PLCZ1: variants seen among roughly 807,000 people sequenced by gnomAD.
The protein encoded by PLCZ1 is phospholipase C zeta 1, also known as 1-phosphatidylinositol 4,5-bisphosphate phosphodiesterase zeta-1.
A neutral mutation model predicts 76.8 loss-of-function variants in PLCZ1; 64 were observed. The ratio of observed to expected loss-of-function variants is 0.83; its 90% CI spans 0.68 to 1.03. The LOEUF is 1.03. Ranked by LOEUF, PLCZ1 falls within the 50% of genes least tolerant of loss-of-function variation. PLCZ1 has a pLI of 0.00. For missense variants in PLCZ1, 751 were observed against 713.7 expected, an observed-to-expected ratio of 1.05 and a Z score of -0.60; for synonymous variants, 248 against 230.8, an observed-to-expected ratio of 1.07 and a Z score of -0.68.
chr12:18,683,854 C>A (rs1952692509), intron 14 of PLCZ1, among the ~76,000 whole-genome samples: 1 of 151,944 alleles, frequency 6.6e-6, no homozygotes, highest in South Asian at 2.1e-4. Context: ...CATGACTACT[C>A]TTTACTGAAA....
chr12:18,656,326 C>A, the PLCZ1 span, among the ~76,000 whole-genome samples: 1 of 152,056 alleles, frequency 6.6e-6, no homozygotes, highest in African/African-American at 2.4e-5. Context: ...GCCTGTAATC[C>A]CAGCACTTTA....
the PLCZ1 span, among the ~76,000 whole-genome samples, chr12:18,651,599 A>G: frequency 6.6e-6 from 1 of 152,038 alleles, no homozygotes; most frequent in Non-Finnish European, 1.5e-5. Flanking sequence ...TCTAGTTGTG[A>G]CTCAGAAACA....
At chr12:18,654,621 G>A in the PLCZ1 span, among the ~76,000 whole-genome samples, 8 of 152,156 alleles carry the variant, frequency 5.3e-5, no homozygotes, top group Non-Finnish European at 1.2e-4. Flanking sequence ...TTGTGGAACT[G>A]TTATTCCAGG....
the PLCZ1 span, among the ~76,000 whole-genome samples, chr12:18,664,089 C>A: frequency 6.6e-6 from 1 of 152,022 alleles, no homozygotes; most frequent in East Asian, 1.9e-4. Context: ...AAAAACCAAA[C>A]CAGACAAACA....
chr12:18,645,946 G>A, the PLCZ1 span, among the ~76,000 whole-genome samples: 1 of 152,130 alleles, frequency 6.6e-6, no homozygotes, highest in African/African-American at 2.4e-5. Context: ...TAAGAGAGGA[G>A]TTCATCAGCT....
chr12:18,723,324 CT>C lies in PLCZ1; in HGVS notation c.353del (p.Glu118GlyfsTer14). On this transcript the variant is annotated frameshift_variant, in exon 4 of 15. Transcript: ENST00000266505. LOFTEE classifies it high-confidence loss of function. ...ATGCAAACATACCTTCTTCGATAGG[CT>C]CGTATTTCTGAATGATCTCAAAAGC... ...AIAFEIIQKY[E>X]PIEEVRKAHQ... 1 of 1,611,022 alleles carries C rather than the reference CT, an allele frequency of 6.2e-7. No homozygotes were observed. The highest frequency in any genetic ancestry group is 8.5e-7 in the Non-Finnish European group (1 of 1,178,130).
chr12:18,719,239 A>G (rs1958289059), intron 5 of PLCZ1, among the ~76,000 whole-genome samples, 192 bp downstream of exon 5: 1 of 152,266 alleles, frequency 6.6e-6, no homozygotes, highest in Admixed American at 6.5e-5. Context: ...TAATGCATAC[A>G]ATAAATTACG....
the PLCZ1 span, among the ~76,000 whole-genome samples, chr12:18,650,702 GTGTA>G: frequency 1.8e-3 from 50 of 27,688 alleles, 1 homozygote; most frequent in East Asian, 0.019. Context: ...GTGTGTGTGT[GTGTA>G]TATATCTATA....
chr12:18,702,498 C>A (rs774091991), intron 7 of PLCZ1, among the ~76,000 whole-genome samples: 40 of 152,076 alleles, frequency 2.6e-4, no homozygotes, highest in Non-Finnish European at 5.1e-4. Flanking sequence ...AAGTAAAGTT[C>A]TTTTCTCCAG....
the PLCZ1 span, among the ~76,000 whole-genome samples, chr12:18,662,019 G>A: frequency 2.0e-5 from 3 of 152,054 alleles, no homozygotes; most frequent in African/African-American, 4.8e-5. Context: ...GTGAACTAAC[G>A]CAGGAACAGA....
intron 6 of PLCZ1, among the ~76,000 whole-genome samples, chr12:18,708,053 C>A (rs1956834012): frequency 1.3e-5 from 2 of 152,166 alleles, no homozygotes; most frequent in Admixed American, 1.3e-4. Context: ...AGCATGAATA[C>A]CATATACAGT....
intron 12 of PLCZ1, 56 bp downstream of exon 12, chr12:18,694,854 C>T (rs1328917515): frequency 7.6e-7 from 1 of 1,314,442 alleles, no homozygotes; most frequent in Non-Finnish European, 1.1e-6. Flanking sequence ...TACTAATGTA[C>T]ACTATCTAGT....
At chr12:18,731,661 A>C (rs1376104314) in intron 3 of PLCZ1, among the ~76,000 whole-genome samples, 1 of 151,578 alleles carries the variant, frequency 6.6e-6, no homozygotes, top group Non-Finnish European at 1.5e-5. Context: ...TGTGTAACCA[A>C]TAACAACTTC....
At chr12:18,657,343 A>G in the PLCZ1 span, among the ~76,000 whole-genome samples, 1 of 152,164 alleles carries the variant, frequency 6.6e-6, no homozygotes, top group African/African-American at 2.4e-5. Context: ...GTGCCCAGGG[A>G]TGGGATCATA....
chr12:18,703,633 G>A (rs185030920), intron 7 of PLCZ1, among the ~76,000 whole-genome samples: 63 of 152,258 alleles, frequency 4.1e-4, no homozygotes, highest in Admixed American at 3.9e-4. Flanking sequence ...GTAATCAACC[G>A]TAGCCAATCA....
the PLCZ1 span, among the ~76,000 whole-genome samples, chr12:18,672,813 G>C: frequency 6.6e-6 from 1 of 152,078 alleles, no homozygotes; most frequent in Non-Finnish European, 1.5e-5. Context: ...GGAGCAAGAG[G>C]GCACAGAAAT....
At chr12:18,718,503 C>G (rs1328352139) in intron 5 of PLCZ1, among the ~76,000 whole-genome samples, 6 of 152,136 alleles carry the variant, frequency 3.9e-5, no homozygotes, top group Admixed American at 3.9e-4. Context: ...TCCCTTCATT[C>G]ACCATTGACT....
the PLCZ1 span, among the ~76,000 whole-genome samples, chr12:18,664,230 T>C: frequency 1.3e-5 from 2 of 152,198 alleles, no homozygotes; most frequent in Non-Finnish European, 1.5e-5. Context: ...CTCAAAAACT[T>C]AAACATAGAT....
chr12:18,736,396 TA>T, intron 2 of PLCZ1, 52 bp from the exon 3 acceptor site: 2 of 1,557,992 alleles, frequency 1.3e-6, no homozygotes, highest in Non-Finnish European at 1.8e-6. Flanking sequence ...ATTGAATATT[TA>T]AAATTCCTAA....
Sources: gnomAD v4.1 joint callset for allele counts (sites outside exome capture counted in the v4.1 genomes callset) on GRCh38, gnomAD v4.1.1 for gene constraint, MANE v1.5 for transcripts, NCBI Gene and HGNC (gene_info 2026-07-23, HGNC 2026-07-21) for gene names.